ZNF44: variants seen among roughly 807,000 people sequenced by gnomAD.
ZNF44 encodes the protein zinc finger protein 44.
ZNF44 carries 9 observed loss-of-function variants against 11.7 expected under a neutral mutation model. The ratio of observed to expected loss-of-function variants is 0.77; its 90% CI spans 0.46 to 1.35. The LOEUF is 1.35. Among genes scored for constraint, ZNF44 ranks in the 40% most tolerant of loss-of-function variants. The probability of loss-of-function intolerance (pLI) is 0.00; values close to 1 mark genes in which losing one functional copy is unlikely to be tolerated. For missense variants in ZNF44, 696 were observed against 743.1 expected (o/e 0.94, Z 0.74); for synonymous variants, 224 against 242.7 (o/e 0.92, Z 0.72).
chr19:12,239,434 T>A (rs1456764071), upstream of ZNF44, among the ~76,000 whole-genome samples: 10 of 118,224 alleles, frequency 8.5e-5, no homozygotes, highest in South Asian at 2.5e-4. Context: ...TTTTTTTTTT[T>A]AAACAAGATG....
chr19:12,239,286 G>A (rs1016473673), upstream of ZNF44, among the ~76,000 whole-genome samples: 2 of 151,492 alleles, frequency 1.3e-5, no homozygotes, highest in Admixed American at 6.6e-5. Context: ...GCTAATTTTT[G>A]TATTTTTAGT....
At chr19:12,259,768 T>C (rs2458998) in intron 5 of ZNF44, among the ~76,000 whole-genome samples, 99,798 of 152,100 alleles carry the variant, frequency 0.66, 34,957 homozygotes, top group African/African-American at 0.92. Flanking sequence ...AACTTCTTTG[T>C]TATGCCACAA....
At chr19:12,249,977 C>G (rs1916926747) in intron 7 of ZNF44, 3 of 1,285,356 alleles carry the variant, frequency 2.3e-6, no homozygotes, top group Non-Finnish European at 3.0e-6. Context: ...GTGTGACTCA[C>G]CTGAGATTTC....
At chr19:12,231,779 T>C (rs1159487751) in intron 2 of ZNF44, among the ~76,000 whole-genome samples, 2 of 152,136 alleles carry the variant, frequency 1.3e-5, no homozygotes, top group African/African-American at 2.4e-5. Context: ...AGAAAACATA[T>C]TTGGATTTAC....
At chr19:12,292,712 C>T (rs940913848) in intron 1 of ZNF44, among the ~76,000 whole-genome samples, 3 of 152,066 alleles carry the variant, frequency 2.0e-5, no homozygotes, top group Admixed American at 6.6e-5. Flanking sequence ...AGTTTTCTAG[C>T]TTCACAGTCG....
At chr19:12,251,223 TAGG>T (rs1427154336) in intron 5 of ZNF44, among the ~76,000 whole-genome samples, 1 of 150,726 alleles carries the variant, frequency 6.6e-6, no homozygotes, top group Non-Finnish European at 1.5e-5. Flanking sequence ...TCCAGCTACT[TAGG>T]AGGCTGAGGC....
intron 1 of ZNF44, among the ~76,000 whole-genome samples, chr19:12,279,359 TAAAAAA>T (rs950866725): frequency 2.0e-5 from 3 of 151,512 alleles, no homozygotes; most frequent in African/African-American, 7.3e-5. Flanking sequence ...TGTCTCTATT[TAAAAAA>T]AAGAAAAAGA....
At position 12,286,881 on chromosome 19, in the gene ZNF44, C is replaced by T. The variant is rs551772805; in HGVS notation, c.3+7811G>A. ...CAGAGGTTGCAGTGAGCCAAGATTG[C>T]ACCACTGCACTCCAGCCTGGGCAAT... is the stretch of plus-strand genomic sequence containing the variant. On this transcript the variant is annotated intron_variant, in intron 1 of 3. Transcript: ENST00000355684. Among the ~76,000 whole-genome samples the T allele has an allele frequency of 4.4e-3, 661 of 150,328 alleles. 3 individuals are homozygous for T. The highest frequency in any genetic ancestry group is 0.015 in the African/African-American group (624 of 40,756).
At chr19:12,227,217 A>G (rs1344885853) in intron 3 of ZNF44, among the ~76,000 whole-genome samples, 3 of 152,246 alleles carry the variant, frequency 2.0e-5, no homozygotes, top group African/African-American at 7.2e-5. Flanking sequence ...CTTGCATTCA[A>G]GGGCACCTGT....
intron 3 of ZNF44, 93 bp from the exon 4 acceptor site, chr19:12,274,156 A>G: frequency 8.9e-7 from 1 of 1,122,374 alleles, no homozygotes; most frequent in Non-Finnish European, 1.3e-6. Context: ...ATTATCAGGC[A>G]AGCTATAAGC....
intron 3 of ZNF44, chr19:12,226,631 G>GTAGAGAGAAACAAGAATGCTCCAAATTT (rs1915930830): frequency 6.6e-6 from 1 of 152,128 alleles, no homozygotes; most frequent in African/African-American, 2.4e-5. Flanking sequence ...AGAAAATCAG[G>GTAGAGAGAAACAAGAATGCTCCAAATTT]TAGAGAGAAA....
intron 3 of ZNF44, among the ~76,000 whole-genome samples, chr19:12,227,584 C>CA (rs1915973089): frequency 6.6e-6 from 1 of 152,158 alleles, no homozygotes; most frequent in Non-Finnish European, 1.5e-5. Context: ...CCAGCCTGGG[C>CA]AACAAAAGTG....
chr19:12,290,869 T>TG (rs1271731086), intron 1 of ZNF44, among the ~76,000 whole-genome samples: 1 of 152,190 alleles, frequency 6.6e-6, no homozygotes, highest in Non-Finnish European at 1.5e-5. Context: ...GGCCTCCACT[T>TG]GGAGTCACTG....
At position 12,226,409 on chromosome 19, in the gene ZNF44, A is replaced by G. The variant is rs186942298; in HGVS notation, n.555T>C. On this transcript the variant is annotated non_coding_transcript_exon_variant, in exon 4 of 4. Coordinates refer to the ZNF44 transcript ENST00000597563. The stretch of plus-strand genomic sequence containing the variant: ...ACCCTGTACAGGGACTGTACATGAA[A>G]TCTGAGGCCAGCTTTCCAAGGGCTT... 3.3e-5 allele frequency: 5 copies of G among 152,300 alleles called. No homozygotes were observed. The East Asian group carries it at 9.6e-4, about 29-fold the overall frequency. 9.4% of individuals were successfully genotyped at this position (152,300 alleles called of 1,614,324 possible).
At chr19:12,275,568 C>A (rs770077436) in intron 2 of ZNF44, among the ~76,000 whole-genome samples, 1 of 152,066 alleles carries the variant, frequency 6.6e-6, no homozygotes, top group African/African-American at 2.4e-5. Flanking sequence ...ATGGTGTGAA[C>A]CCGGGAGGCG....
At chr19:12,246,275 C>A (rs1271044814), downstream of ZNF44, among the ~76,000 whole-genome samples, 3 of 152,182 alleles carry the variant, frequency 2.0e-5, no homozygotes, top group Non-Finnish European at 4.4e-5. Context: ...ACAGATCTTA[C>A]TTCTTAATTC....
intron 1 of ZNF44, chr19:12,284,425 G>A: frequency 1.6e-6 from 1 of 632,740 alleles, no homozygotes; most frequent in South Asian, 1.5e-5. Flanking sequence ...GGAGATTTCG[G>A]CAGTGGCATC....
chr19:12,294,154 G>C (rs1199235745), intron 1 of ZNF44, among the ~76,000 whole-genome samples: 7 of 152,124 alleles, frequency 4.6e-5, no homozygotes, highest in African/African-American at 1.7e-4. Flanking sequence ...GCAGGCTGAA[G>C]ACCCCACAAG....
At chr19:12,290,203 T>C (rs1269184448) in intron 1 of ZNF44, among the ~76,000 whole-genome samples, 1 of 150,976 alleles carries the variant, frequency 6.6e-6, no homozygotes, top group Non-Finnish European at 1.5e-5. Context: ...CTGACCAACA[T>C]GGAGAAACCC....
Sources: gnomAD v4.1 joint callset for allele counts (sites outside exome capture counted in the v4.1 genomes callset) on GRCh38, gnomAD v4.1.1 for gene constraint, MANE v1.5 for transcripts, NCBI Gene and HGNC (gene_info 2026-07-23, HGNC 2026-07-21) for gene names.